Variants in ARHGAP18 observed in about 807,000 individuals in gnomAD.
ARHGAP18 encodes rho GTPase-activating protein 18.
A neutral mutation model predicts 86.2 loss-of-function variants in ARHGAP18; 67 were observed. The observed-to-expected ratio is 0.78, with a 90% CI of 0.64 to 0.95. The LOEUF (loss-of-function observed/expected upper bound fraction) is 0.95. Ranked by LOEUF, ARHGAP18 falls within the 40% of genes least tolerant of loss-of-function variation. ARHGAP18 has a pLI of 0.00. For missense variants in ARHGAP18, 691 were observed against 780.4 expected, an observed-to-expected ratio of 0.89 and a Z score of 1.37; for synonymous variants, 283 against 280.4, an observed-to-expected ratio of 1.01 and a Z score of -0.09.
At chr6:129,578,917 T>C (rs1471704449) in intron 14 of ARHGAP18, among the ~76,000 whole-genome samples, 1 of 152,006 alleles carries the variant, frequency 6.6e-6, no homozygotes, top group African/African-American at 2.4e-5. Flanking sequence ...TGAGCTGAGA[T>C]TGCGCCACTG....
At chr6:129,583,800 T>C (rs922026346) in intron 13 of ARHGAP18, among the ~76,000 whole-genome samples, 188 bp downstream of exon 13, 3 of 151,144 alleles carry the variant, frequency 2.0e-5, no homozygotes, top group Admixed American at 6.6e-5. Context: ...TGAACTAAAC[T>C]CATTCCAACA....
chr6:129,590,533 A>T (rs1788487555), intron 12 of ARHGAP18, among the ~76,000 whole-genome samples: 1 of 152,114 alleles, frequency 6.6e-6, no homozygotes, highest in Admixed American at 6.5e-5. Context: ...TCTCCTACAG[A>T]TTCCTTCTGG....
chr6:129,621,034 GGC>G (rs1166660734), intron 5 of ARHGAP18, among the ~76,000 whole-genome samples: 1 of 151,946 alleles, frequency 6.6e-6, no homozygotes, highest in African/African-American at 2.4e-5. Context: ...TAGAAAATAT[GGC>G]TATTTTCCAT....
chr6:129,626,063 T>C (rs1183201321), intron 5 of ARHGAP18, among the ~76,000 whole-genome samples: 8 of 28,400 alleles, frequency 2.8e-4, no homozygotes, highest in African/African-American at 7.2e-4. Flanking sequence ...TATATACACA[T>C]ATACACACAC....
intron 1 of ARHGAP18, among the ~76,000 whole-genome samples, chr6:129,642,386 G>C (rs186495529): frequency 6.6e-6 from 1 of 152,236 alleles, no homozygotes. Flanking sequence ...CTGGGCTCAA[G>C]TGATCTTCCC....
intron 5 of ARHGAP18, among the ~76,000 whole-genome samples, chr6:129,622,852 C>G (rs1584056299): frequency 6.6e-6 from 1 of 151,412 alleles, no homozygotes; most frequent in Admixed American, 6.6e-5. Context: ...AATACAAAAA[C>G]TAGCCGGGCG....
intron 8 of ARHGAP18, among the ~76,000 whole-genome samples, chr6:129,610,102 G>C (rs544088249): frequency 6.6e-6 from 1 of 152,336 alleles, no homozygotes; most frequent in East Asian, 1.9e-4. Context: ...AATTCAGGAA[G>C]ACAATGTATT....
chr6:129,687,743 G>A (rs960885133), intron 1 of ARHGAP18, among the ~76,000 whole-genome samples: 1 of 152,138 alleles, frequency 6.6e-6, no homozygotes, highest in Non-Finnish European at 1.5e-5. Flanking sequence ...CACGACAGAG[G>A]AGGTAACTGT....
intron 2 of ARHGAP18, among the ~76,000 whole-genome samples, chr6:129,640,369 T>C (rs1022421500): frequency 2.6e-5 from 4 of 152,214 alleles, no homozygotes; most frequent in Non-Finnish European, 5.9e-5. Flanking sequence ...TACTTCTATG[T>C]ATCAGGCTTA....
chr6:129,692,431 C>G (rs866307182), intron 1 of ARHGAP18, among the ~76,000 whole-genome samples: 2 of 152,118 alleles, frequency 1.3e-5, no homozygotes, highest in Non-Finnish European at 2.9e-5. Context: ...GAAGATCCCT[C>G]CATACAAACC....
intron 10 of ARHGAP18, among the ~76,000 whole-genome samples, chr6:129,605,660 A>C (rs1220930988): frequency 1.3e-5 from 2 of 152,216 alleles, no homozygotes; most frequent in South Asian, 2.1e-4. Context: ...GAAATGTTAC[A>C]GTGAAAATTA....
intron 13 of ARHGAP18, among the ~76,000 whole-genome samples, chr6:129,581,902 T>G (rs1358287012): frequency 1.3e-5 from 2 of 152,272 alleles, no homozygotes; most frequent in Admixed American, 1.3e-4. Context: ...CAGTGCTATA[T>G]GCTGCATGGT....
intron 12 of ARHGAP18, among the ~76,000 whole-genome samples, chr6:129,585,967 T>C (rs1450082056): frequency 6.6e-6 from 1 of 152,220 alleles, no homozygotes; most frequent in East Asian, 1.9e-4. Flanking sequence ...ATCCCTAAGA[T>C]ACAAGTATAA....
intron 3 of ARHGAP18, among the ~76,000 whole-genome samples, chr6:129,634,805 T>C (rs1209980774): frequency 6.6e-6 from 1 of 152,076 alleles, no homozygotes; most frequent in East Asian, 1.9e-4. Flanking sequence ...GGGTGAATTA[T>C]ATGGTATGTG....
chr6:129,578,515 A>G lies in ARHGAP18; in HGVS notation c.1990T>C (p.Ter664GlnextTer3). The G allele has an allele frequency of 6.2e-7, 1 of 1,610,746 alleles. No individual in the cohort carries two copies. Among genetic ancestry groups the G allele is most frequent in the East Asian group, 2.2e-5 (1 of 44,740 alleles). Reference sequence around the variant, plus strand: ...TTATCTGCAGCTTGTTAAGTCTTCTACAATGGCTTTGACTTTATAACCCAC... The same window carrying G: ...TTATCTGCAGCTTGTTAAGTCTTCTGCAATGGCTTTGACTTTATAACCCAC... The part of the protein sequence containing the change: ...AEWVIKSKPL[*>Q] The change falls in exon 15 of 15, where the codon TAG becomes CAG. Residue 664 changes from the stop codon to glutamine, a stop_lost. Transcript: ENST00000368149.
chr6:129,624,541 C>A (rs1192913444), intron 5 of ARHGAP18, among the ~76,000 whole-genome samples: 1 of 151,804 alleles, frequency 6.6e-6, no homozygotes, highest in Non-Finnish European at 1.5e-5. Context: ...CAAACACACA[C>A]AAAAAACCAT....
intron 1 of ARHGAP18, among the ~76,000 whole-genome samples, chr6:129,673,364 A>C (rs540397643): frequency 3.9e-4 from 59 of 152,234 alleles, no homozygotes; most frequent in African/African-American, 1.4e-3. Context: ...AAAAAAAAAA[A>C]AAAAGTCTTA....
At chr6:129,617,393 T>C (rs529363319) in intron 6 of ARHGAP18, among the ~76,000 whole-genome samples, 11 of 152,192 alleles carry the variant, frequency 7.2e-5, no homozygotes, top group Non-Finnish European at 1.3e-4. Context: ...TTGGATATTG[T>C]GACACTTAAT....
At chr6:129,621,328 A>T (rs62422971) in intron 5 of ARHGAP18, among the ~76,000 whole-genome samples, 1 of 152,090 alleles carries the variant, frequency 6.6e-6, no homozygotes, top group African/African-American at 2.4e-5. Context: ...AGAGCCTTCA[A>T]GTCCACTGTA....
Sources: gnomAD v4.1 joint callset for allele counts (sites outside exome capture counted in the v4.1 genomes callset) on GRCh38, gnomAD v4.1.1 for gene constraint, MANE v1.5 for transcripts, NCBI Gene and HGNC (gene_info 2026-07-23, HGNC 2026-07-21) for gene names.